KCNMA1: variants seen among roughly 807,000 people sequenced by gnomAD.
KCNMA1 encodes the protein Calcium-activated potassium channel subunit alpha-1.
KCNMA1 carries 29 observed loss-of-function variants against 140.0 expected under a neutral mutation model. That is an observed-to-expected ratio of 0.21 (90% CI 0.15 to 0.28). The LOEUF (loss-of-function observed/expected upper bound fraction) is 0.28. Ranked by LOEUF, KCNMA1 falls within the 10% of genes least tolerant of loss-of-function variation. The pLI, the probability that KCNMA1 is intolerant of heterozygous loss-of-function variation, is 1.00. For missense variants in KCNMA1, 880 were observed against 1,602.2 expected (o/e 0.55, Z 7.70); for synonymous variants, 612 against 611.9 (o/e 1.00, Z 0.00).
Position 76,891,576 on chromosome 10 carries a change from G to A in KCNMA1, c.3291C>T (p.Arg1097=), listed in dbSNP as rs2040086077. 1 of 1,613,832 alleles carries A rather than the reference G, an allele frequency of 6.2e-7. No homozygotes were observed. The highest frequency in any genetic ancestry group is 1.3e-5 in the African/African-American group (1 of 74,936). ...STPQTLANRD[R]CRVAQLALLD... ...GCAGAGCTAACTGGGCCACGCGGCA[G>A]CGGTCCCTATTGGCCAGTGTCTGCG... The change falls in exon 26 of 28, where the codon CGC becomes CGT. Residue 1097 remains arginine, a synonymous_variant. Transcript: ENST00000286628.
In KCNMA1 at chr10:77,030,966, G is replaced by A. The variant is rs140957340; in HGVS notation, c.1860-3075C>T. On this transcript the variant is annotated intron_variant, in intron 15 of 27. Coordinates refer to ENST00000286628, the MANE Select transcript of KCNMA1 (RefSeq NM_001161352.2). Reference sequence around the variant, plus strand: ...TGAACAGAGAGAACATAGGCAAGCCGTGCCACAACACAGATTTTCAGACTC... The same window carrying A: ...TGAACAGAGAGAACATAGGCAAGCCATGCCACAACACAGATTTTCAGACTC... Among the ~76,000 whole-genome samples the A allele has an allele frequency of 2.7e-3, 410 of 152,320 alleles. 5 individuals are homozygous for A. In the East Asian group the frequency reaches 0.034, roughly 13 times the overall value.
chr10:77,299,600 T>G (rs2076078200), intron 2 of KCNMA1, among the ~76,000 whole-genome samples: 1 of 152,214 alleles, frequency 6.6e-6, no homozygotes, highest in Non-Finnish European at 1.5e-5. Context: ...TTACCCAGGT[T>G]GTTCTGGAAC....
Position 77,039,521 on chromosome 10 carries a change from C to A in KCNMA1, c.1859+7G>T. The A allele has an allele frequency of 6.6e-7, 1 of 1,516,338 alleles. No homozygotes were observed. Among genetic ancestry groups the A allele is most frequent in the Non-Finnish European group, 9.2e-7 (1 of 1,090,592 alleles). The allele number at this position is 1,516,338 out of a possible 1,614,324, so 93.9% of individuals were successfully genotyped here. On this transcript the variant is annotated splice_region_variant and intron_variant, in intron 15 of 27. Transcript: ENST00000286628. The stretch of plus-strand genomic sequence containing the variant: ...AGCCAAAGAGCATCCAGTTAAAGGT[C>A]ACTTACTCACAAACAGTAGGGAAGG...
downstream of KCNMA1, chr10:76,874,240 G>C (rs2031943305): frequency 6.6e-6 from 1 of 152,186 alleles, no homozygotes; most frequent in Admixed American, 6.5e-5. Context: ...TCTATGTCCA[G>C]AGCAGAAAAT....
intron 1 of KCNMA1, among the ~76,000 whole-genome samples, chr10:77,569,184 C>T (rs1204488804): frequency 5.9e-5 from 5 of 85,332 alleles, no homozygotes; most frequent in Non-Finnish European, 9.8e-5. Flanking sequence ...AGATTCAATG[C>T]CATCCCCATC....
chr10:77,037,019 G>T (rs936617187), intron 15 of KCNMA1, among the ~76,000 whole-genome samples: 4 of 152,098 alleles, frequency 2.6e-5, no homozygotes, highest in Admixed American at 2.6e-4. Context: ...ATCAGAAGTG[G>T]AATATATATA....
At chr10:77,077,161 G>A (rs1364942264) in intron 13 of KCNMA1, among the ~76,000 whole-genome samples, 1 of 152,136 alleles carries the variant, frequency 6.6e-6, no homozygotes, top group African/African-American at 2.4e-5. Context: ...AATTCTACAA[G>A]GAATGAAAGA....
At chr10:77,522,450 A>G (rs1023225628) in intron 1 of KCNMA1, among the ~76,000 whole-genome samples, 1 of 152,192 alleles carries the variant, frequency 6.6e-6, no homozygotes, top group Non-Finnish European at 1.5e-5. Flanking sequence ...AATCCCCAGT[A>G]GTTTCAAAAT....
intron 6 of KCNMA1, among the ~76,000 whole-genome samples, chr10:77,117,327 T>A (rs573104520): frequency 8.4e-4 from 128 of 151,984 alleles, no homozygotes; most frequent in South Asian, 1.9e-3. Context: ...AGTGGGCAGA[T>A]CACCTGAGGT....
chr10:76,885,217 T>C lies in KCNMA1; in HGVS notation c.*2049A>G. The C allele has an allele frequency of 2.0e-6, 1 of 504,184 alleles. No individual in the cohort carries two copies. The highest frequency in any genetic ancestry group is 2.6e-6 in the Non-Finnish European group (1 of 388,496). The allele number at this position is 504,184 out of a possible 1,614,324, so 31.2% of individuals were successfully genotyped here. ...TACATATATATAGTTATATATATAG[T>C]TATATATATATAATTATATAGTTAT... On this transcript the variant is annotated 3_prime_UTR_variant, in exon 28 of 28. Coordinates refer to ENST00000286628, the MANE Select transcript of KCNMA1 (RefSeq NM_001161352.2).
intron 5 of KCNMA1, among the ~76,000 whole-genome samples, chr10:77,179,565 G>A (rs191346695): frequency 1.3e-5 from 2 of 152,264 alleles, no homozygotes; most frequent in East Asian, 3.9e-4. Flanking sequence ...CACCGATGGA[G>A]GGATGCCAAC....
chr10:77,495,577 G>A (rs1221577612), intron 1 of KCNMA1, among the ~76,000 whole-genome samples: 2 of 152,180 alleles, frequency 1.3e-5, no homozygotes, highest in African/African-American at 4.8e-5. Flanking sequence ...TCATGAAAGG[G>A]AGAAAAAACG....
intron 3 of KCNMA1, among the ~76,000 whole-genome samples, chr10:77,218,773 G>A (rs930832207): frequency 5.3e-5 from 8 of 152,104 alleles, no homozygotes; most frequent in Non-Finnish European, 1.0e-4. Flanking sequence ...TGCAACCTCC[G>A]CTTCCTGGGT....
intron 2 of KCNMA1, among the ~76,000 whole-genome samples, chr10:77,305,636 A>G (rs1355451414): frequency 2.0e-5 from 3 of 152,222 alleles, no homozygotes; most frequent in Non-Finnish European, 4.4e-5. Context: ...TTAAGATGAT[A>G]AAACAGTGAA....
At position 77,256,262 on chromosome 10, in the gene KCNMA1, G is replaced by A. The variant is rs979117787; in HGVS notation, c.541-5006C>T. Among the ~76,000 whole-genome samples, 6 of 152,278 alleles carry A rather than the reference G, an allele frequency of 3.9e-5. 1 individual carries two copies. Among genetic ancestry groups the A allele is most frequent in the Admixed American group, 1.3e-4 (2 of 15,294 alleles). On this transcript the variant is annotated intron_variant, in intron 2 of 27. Transcript: ENST00000286628. ...GCAATTAGGCCCATATGCTTTCAGC[G>A]GGTGTGTGAGGCTTCACGGCCTTGG...
chr10:77,119,860 G>A (rs974955303), intron 6 of KCNMA1, among the ~76,000 whole-genome samples: 1 of 152,054 alleles, frequency 6.6e-6, no homozygotes, highest in Non-Finnish European at 1.5e-5. Context: ...TCACATAGAT[G>A]AGCAGTCAGA....
At chr10:76,967,724 C>T (rs1211674377) in intron 20 of KCNMA1, among the ~76,000 whole-genome samples, 2 of 152,154 alleles carry the variant, frequency 1.3e-5, no homozygotes, top group East Asian at 3.9e-4. Context: ...TAAGACATCC[C>T]AGCGACAGGA....
At chr10:77,535,643 G>C (rs956169464) in intron 1 of KCNMA1, among the ~76,000 whole-genome samples, 5 of 152,188 alleles carry the variant, frequency 3.3e-5, no homozygotes, top group African/African-American at 1.2e-4. Context: ...ATCAACCTGA[G>C]TGTCCATCAA....
At chr10:77,236,061 G>C (rs950651274) in intron 3 of KCNMA1, among the ~76,000 whole-genome samples, 1 of 152,152 alleles carries the variant, frequency 6.6e-6, no homozygotes, top group African/African-American at 2.4e-5. Flanking sequence ...CACCTCCAGG[G>C]GAGCAGGGGA....
Sources: gnomAD v4.1 joint callset for allele counts (sites outside exome capture counted in the v4.1 genomes callset) on GRCh38, gnomAD v4.1.1 for gene constraint, MANE v1.5 for transcripts, NCBI Gene and HGNC (gene_info 2026-07-23, HGNC 2026-07-21) for gene names.